Variants in CLSTN2 observed in about 807,000 individuals in gnomAD.
CLSTN2 encodes the protein calsyntenin 2.
CLSTN2 carries 48 observed loss-of-function variants against 101.2 expected under a neutral mutation model. The ratio of observed to expected loss-of-function variants is 0.47; its 90% CI spans 0.38 to 0.60. The LOEUF (loss-of-function observed/expected upper bound fraction) is 0.60. Among genes scored for constraint, CLSTN2 ranks in the 20% least tolerant of loss-of-function variants. The pLI is 0.00. For missense variants in CLSTN2, 1,160 were observed against 1,238.2 expected (o/e 0.94, Z 0.95); for synonymous variants, 481 against 463.6 (o/e 1.04, Z -0.48).
At chr3:140,290,681 A>G (rs986914627) in intron 2 of CLSTN2, among the ~76,000 whole-genome samples, 1 of 152,234 alleles carries the variant, frequency 6.6e-6, no homozygotes, top group African/African-American at 2.4e-5. Flanking sequence ...GTTGACCGCT[A>G]GCTTTGGAGC....
At chr3:140,216,971 A>T (rs532418804) in intron 2 of CLSTN2, among the ~76,000 whole-genome samples, 1 of 152,226 alleles carries the variant, frequency 6.6e-6, no homozygotes, top group African/African-American at 2.4e-5. Flanking sequence ...AGACATGGTT[A>T]CTATACCCAT....
intron 1 of CLSTN2, among the ~76,000 whole-genome samples, chr3:140,158,244 T>C (rs929050858): frequency 1.3e-5 from 2 of 152,130 alleles, no homozygotes; most frequent in South Asian, 2.1e-4. Context: ...GGCACCCTAA[T>C]AGGAAAAGAA....
intron 1 of CLSTN2, among the ~76,000 whole-genome samples, chr3:140,101,422 T>G (rs1278250317): frequency 6.6e-6 from 1 of 152,230 alleles, no homozygotes; most frequent in Non-Finnish European, 1.5e-5. Context: ...GAACCACCAC[T>G]AGACATCAGG....
At chr3:139,950,834 G>A (rs1935283821) in intron 1 of CLSTN2, among the ~76,000 whole-genome samples, 1 of 152,192 alleles carries the variant, frequency 6.6e-6, no homozygotes, top group African/African-American at 2.4e-5. Context: ...TAGTGAATTA[G>A]ATGCTTGTTG....
chr3:140,126,463 T>A (rs1395179765), intron 1 of CLSTN2, among the ~76,000 whole-genome samples: 3 of 152,024 alleles, frequency 2.0e-5, no homozygotes, highest in African/African-American at 7.2e-5. Context: ...TGCACATACT[T>A]GTGCAAAAAA....
chr3:140,489,309 T>A (rs1238689455), intron 8 of CLSTN2, among the ~76,000 whole-genome samples: 1 of 152,220 alleles, frequency 6.6e-6, no homozygotes. Flanking sequence ...TTCATTAAGT[T>A]CTGCACTTGT....
At chr3:139,983,273 G>A (rs899252981) in intron 1 of CLSTN2, among the ~76,000 whole-genome samples, 2 of 152,144 alleles carry the variant, frequency 1.3e-5, no homozygotes, top group African/African-American at 4.8e-5. Flanking sequence ...TATAAAAAGA[G>A]TGGACTGAAA....
At chr3:140,382,248 A>G (rs72975065) in intron 2 of CLSTN2, among the ~76,000 whole-genome samples, 3,717 of 152,218 alleles carry the variant, frequency 0.024, 166 homozygotes, top group African/African-American at 0.086. Context: ...TGCCTTTTCT[A>G]TTAGGCCTGG....
At chr3:140,539,225 A>T (rs942094219) in intron 9 of CLSTN2, among the ~76,000 whole-genome samples, 1 of 152,236 alleles carries the variant, frequency 6.6e-6, no homozygotes, top group Non-Finnish European at 1.5e-5. Context: ...TATTTGTTAA[A>T]TTATATCCTA....
chr3:140,182,012 G>A (rs1576458354), intron 2 of CLSTN2, among the ~76,000 whole-genome samples: 1 of 152,138 alleles, frequency 6.6e-6, no homozygotes, highest in Non-Finnish European at 1.5e-5. Context: ...TGCTGAGTGA[G>A]TCATTCCCCT....
intron 8 of CLSTN2, among the ~76,000 whole-genome samples, chr3:140,480,713 T>A (rs1341208921): frequency 6.6e-6 from 1 of 152,270 alleles, no homozygotes; most frequent in African/African-American, 2.4e-5. Context: ...TGAGCATTTT[T>A]TCATCTGTCT....
At chr3:140,513,547 A>T (rs1465970426) in intron 8 of CLSTN2, among the ~76,000 whole-genome samples, 1 of 150,860 alleles carries the variant, frequency 6.6e-6, no homozygotes, top group Non-Finnish European at 1.5e-5. Context: ...AATGTTCATC[A>T]AGGATACTGA....
At chr3:140,385,384 T>TTA (rs1491538310) in intron 2 of CLSTN2, among the ~76,000 whole-genome samples, 8 of 105,340 alleles carry the variant, frequency 7.6e-5, no homozygotes, top group Admixed American at 1.1e-4. Flanking sequence ...TTTTTTTTTT[T>TTA]ATCTGAGATG....
intron 7 of CLSTN2, among the ~76,000 whole-genome samples, chr3:140,464,954 C>T (rs886551423): frequency 6.6e-6 from 1 of 152,158 alleles, no homozygotes; most frequent in African/African-American, 2.4e-5. Flanking sequence ...AGCACTACTT[C>T]GTTGTGTTGC....
intron 2 of CLSTN2, among the ~76,000 whole-genome samples, chr3:140,335,282 G>A (rs548021733): frequency 1.3e-5 from 2 of 152,302 alleles, no homozygotes; most frequent in East Asian, 3.9e-4. Flanking sequence ...GTGGAGTCAA[G>A]GCACAAAATT....
At chr3:140,042,921 C>T (rs1201437456) in intron 1 of CLSTN2, among the ~76,000 whole-genome samples, 1 of 152,190 alleles carries the variant, frequency 6.6e-6, no homozygotes, top group South Asian at 2.1e-4. Flanking sequence ...TCCAGTCTAT[C>T]ACTGATGGAC....
At chr3:140,342,248 G>A (rs922808397) in intron 2 of CLSTN2, among the ~76,000 whole-genome samples, 2 of 152,058 alleles carry the variant, frequency 1.3e-5, no homozygotes, top group African/African-American at 4.8e-5. Flanking sequence ...AAGATGTTTA[G>A]CAGCACCCCG....
intron 2 of CLSTN2, among the ~76,000 whole-genome samples, chr3:140,353,242 C>CACATAT (rs372011146): frequency 1.4e-5 from 2 of 146,824 alleles, no homozygotes; most frequent in South Asian, 4.4e-4. Flanking sequence ...TATGTTTACA[C>CACATAT]ATATATATAT....
intron 8 of CLSTN2, among the ~76,000 whole-genome samples, chr3:140,473,028 G>A (rs530097617): frequency 7.9e-5 from 12 of 152,342 alleles, no homozygotes; most frequent in Non-Finnish European, 1.5e-4. Flanking sequence ...AGACCCACAT[G>A]GGACATCCTG....
Sources: allele counts gnomAD v4.1 joint callset (sites outside exome capture counted in the v4.1 genomes callset), GRCh38; gene constraint gnomAD v4.1.1; transcripts MANE v1.5; gene names NCBI Gene and HGNC (gene_info 2026-07-23, HGNC 2026-07-21).